Variants in ATXN10 observed in about 807,000 individuals in gnomAD.
The protein encoded by ATXN10 is ataxin-10.
Under a neutral mutation model 52.9 loss-of-function variants are expected in ATXN10, and 28 were observed. The observed-to-expected ratio is 0.53, with a 90% CI of 0.39 to 0.73. The LOEUF is 0.73. ATXN10 is among the 30% of genes least tolerant of loss of function. The pLI is 0.00. For synonymous variants in ATXN10, 226 were observed against 221.5 expected, an observed-to-expected ratio of 1.02 and a Z score of -0.18; for missense variants, 565 against 577.0, an observed-to-expected ratio of 0.98 and a Z score of 0.21.
chr22:45,710,950 A>G (rs764510897), intron 5 of ATXN10, among the ~76,000 whole-genome samples: 3 of 152,298 alleles, frequency 2.0e-5, no homozygotes, highest in South Asian at 2.1e-4. Flanking sequence ...CCTGAACCAG[A>G]TAAGACTTTG....
intron 10 of ATXN10, among the ~76,000 whole-genome samples, chr22:45,838,491 C>T (rs1601679174): frequency 3.3e-5 from 5 of 152,310 alleles, no homozygotes; most frequent in Admixed American, 3.3e-4. Flanking sequence ...GCTATGGAAA[C>T]GTTAGAAGCT....
intron 3 of ATXN10, among the ~76,000 whole-genome samples, chr22:45,695,669 A>G (rs1293376353): frequency 6.6e-6 from 1 of 151,242 alleles, no homozygotes; most frequent in Non-Finnish European, 1.5e-5. Context: ...GATTTTTTGT[A>G]TTTTTTTATT....
intron 6 of ATXN10, among the ~76,000 whole-genome samples, chr22:45,723,088 C>T (rs1039391246): frequency 3.3e-5 from 5 of 151,978 alleles, no homozygotes; most frequent in South Asian, 2.1e-4. Flanking sequence ...ATTTGGGCCA[C>T]GTGGAATAGG....
chr22:45,782,997 C>CA (rs771715340), intron 9 of ATXN10, among the ~76,000 whole-genome samples: 5 of 152,224 alleles, frequency 3.3e-5, no homozygotes, highest in Non-Finnish European at 7.3e-5. Flanking sequence ...TACAATTTCA[C>CA]AGACAGAAGA....
In ATXN10 at chr22:45,837,671, G is replaced by A. The variant is rs1480242346; in HGVS notation, c.1238-5320G>A. Among the ~76,000 whole-genome samples, 3 of 152,206 alleles carry A rather than the reference G, an allele frequency of 2.0e-5. No homozygotes were observed. The highest frequency in any genetic ancestry group is 2.9e-5 in the Non-Finnish European group (2 of 68,032). Reference sequence around the variant, plus strand: ...ACATAGTAAATATTTTGGCTTTGTAGGCCTTGCTGTCTCTTGGCAGCTCCT... The same window carrying A: ...ACATAGTAAATATTTTGGCTTTGTAAGCCTTGCTGTCTCTTGGCAGCTCCT... On this transcript the variant is annotated intron_variant, in intron 10 of 11. Coordinates refer to ENST00000252934, the MANE Select transcript of ATXN10 (RefSeq NM_013236.4). The surrounding 1 kb of genome is among the most constrained non-coding windows in gnomAD (Gnocchi z 5.8).
intron 6 of ATXN10, among the ~76,000 whole-genome samples, chr22:45,723,196 T>C (rs1285364872): frequency 6.6e-6 from 1 of 152,088 alleles, no homozygotes; most frequent in East Asian, 1.9e-4. Flanking sequence ...GATCCACTTA[T>C]GATAGAGATA....
In ATXN10 at chr22:45,807,211, G is replaced by A. The variant is rs1041453422; in HGVS notation, c.1237+189G>A. On this transcript the variant is annotated intron_variant, in intron 10 of 11. Coordinates refer to ENST00000252934, the MANE Select transcript of ATXN10 (RefSeq NM_013236.4). ...TCATTTCTGTAACCTTTGTAGTATGGTAAGCTAGTTTTTTCATGGTGAATA... is the reference window on the plus strand; with the variant it reads ...TCATTTCTGTAACCTTTGTAGTATGATAAGCTAGTTTTTTCATGGTGAATA... 12 of 682,688 alleles carry A rather than the reference G, an allele frequency of 1.8e-5. No individual in the cohort carries two copies. The South Asian group carries it at 1.9e-4, about 11-fold the overall frequency. 42.3% of individuals were successfully genotyped at this position (682,688 alleles called of 1,614,324 possible).
At chr22:45,700,908 A>T (rs1273533046) in intron 4 of ATXN10, among the ~76,000 whole-genome samples, 1 of 152,206 alleles carries the variant, frequency 6.6e-6, no homozygotes, top group Non-Finnish European at 1.5e-5. Flanking sequence ...TCCATTTATC[A>T]GTGTAAGATG....
At chr22:45,722,183 G>T (rs1458602191) in intron 6 of ATXN10, among the ~76,000 whole-genome samples, 2 of 152,190 alleles carry the variant, frequency 1.3e-5, no homozygotes, top group Non-Finnish European at 2.9e-5. Context: ...AACCCCTTTA[G>T]CTGGGTCTTT....
rs534973801 is a variant in ATXN10, at chr22:45,724,781, T to G, written c.729-4644T>G. On this transcript the variant is annotated intron_variant, in intron 6 of 11. Coordinates refer to ENST00000252934, the MANE Select transcript of ATXN10 (RefSeq NM_013236.4). ...TTTTCCTAGGTTTTCTCCTAGAATTTTTATGGTTTCTGGTCTAGATTTAAA... is the reference window on the plus strand; with the variant it reads ...TTTTCCTAGGTTTTCTCCTAGAATTGTTATGGTTTCTGGTCTAGATTTAAA... 3.3e-5 allele frequency among the ~76,000 whole-genome samples: 5 copies of G among 152,330 alleles called. No individual in the cohort carries two copies. The South Asian group carries it at 1.0e-3, about 32-fold the overall frequency.
rs541959767 is a variant in ATXN10, at chr22:45,784,639, C to T, written c.1174-22320C>T. ...TTCCTGTGGGCTCGCCTGTCGACCC[C>T]CTCCCTGTGCCCAGAGGACACACAG... On this transcript the variant is annotated intron_variant, in intron 9 of 11. Transcript: ENST00000252934. The surrounding 1 kb of genome is among the most constrained non-coding windows in gnomAD (Gnocchi z 4.2). 3.3e-5 allele frequency among the ~76,000 whole-genome samples: 5 copies of T among 152,228 alleles called. No homozygotes were observed. The East Asian group carries it at 9.7e-4, about 29-fold the overall frequency.
Position 45,783,707 on chromosome 22 carries a change from A to G in ATXN10, c.1174-23252A>G, listed in dbSNP as rs1397932613. Among the ~76,000 whole-genome samples, 1 of 152,204 alleles carries G rather than the reference A, an allele frequency of 6.6e-6. No individual in the cohort carries two copies. Among genetic ancestry groups the G allele is most frequent in the Non-Finnish European group, 1.5e-5 (1 of 68,030 alleles). On this transcript the variant is annotated intron_variant, in intron 9 of 11. Coordinates refer to ENST00000252934, the MANE Select transcript of ATXN10 (RefSeq NM_013236.4). The surrounding 1 kb of genome is among the most constrained non-coding windows in gnomAD (Gnocchi z 5.0). ...TGATTTACCTTTTAGTCCCCAATAC[A>G]AGGTCTATCACAAAGTAGCTTTCTT...
In ATXN10 at chr22:45,787,584, C is replaced by T. The variant is rs180801489; in HGVS notation, c.1174-19375C>T. Among the ~76,000 whole-genome samples, 194 of 152,246 alleles carry T rather than the reference C, an allele frequency of 1.3e-3. 1 individual carries two copies. Among genetic ancestry groups the T allele is most frequent in the African/African-American group, 4.1e-3 (172 of 41,530 alleles). ...TGCTGTCCAGTCGTCTTGAGTTGAA[C>T]GTTCTCATCAATACTTTGGTGGCTC... is the stretch of plus-strand genomic sequence containing the variant. On this transcript the variant is annotated intron_variant, in intron 9 of 11. Transcript: ENST00000252934. The surrounding 1 kb of genome is among the most constrained non-coding windows in gnomAD (Gnocchi z 4.2).
rs1298437334 is a variant in ATXN10 at position 45,754,261 on chromosome 22, G to T, written c.1173+13723G>T. Among the ~76,000 whole-genome samples, 4 of 152,164 alleles carry T rather than the reference G, an allele frequency of 2.6e-5. No homozygotes were observed. The highest frequency in any genetic ancestry group is 2.6e-4 in the Admixed American group (4 of 15,266). On this transcript the variant is annotated intron_variant, in intron 9 of 11. Coordinates refer to ENST00000252934, the MANE Select transcript of ATXN10 (RefSeq NM_013236.4). This position sits in a 1 kb window ranked among gnomAD's most constrained non-coding sequence, Gnocchi z 5.4. The stretch of plus-strand genomic sequence containing the variant: ...GGTGAAAAAACAGTTTAAATTCTAG[G>T]ATATTCTTGCTTTCTACCCAGGCAA...
At position 45,696,152 on chromosome 22, in the gene ATXN10, C is replaced by T. The variant is rs1185395813; in HGVS notation, c.391+3074C>T. Among the ~76,000 whole-genome samples, 3 of 151,866 alleles carry T rather than the reference C, an allele frequency of 2.0e-5. No individual in the cohort carries two copies. The highest frequency in any genetic ancestry group is 6.6e-5 in the Admixed American group (1 of 15,264). On this transcript the variant is annotated intron_variant, in intron 3 of 11. Coordinates refer to ENST00000252934, the MANE Select transcript of ATXN10 (RefSeq NM_013236.4). This position sits in a 1 kb window ranked among gnomAD's most constrained non-coding sequence, Gnocchi z 4.7. Reference sequence around the variant, plus strand: ...AGGATTTAGTTGTGAAATGTTTTTACGATATTATATATTTAAAGATACTTC... The same window carrying T: ...AGGATTTAGTTGTGAAATGTTTTTATGATATTATATATTTAAAGATACTTC...
chr22:45,793,465 T>A, intron 9 of ATXN10: 1 of 796,874 alleles, frequency 1.3e-6, no homozygotes, highest in East Asian at 3.5e-5. Context: ...TCTTGAGGTC[T>A]TATTCCATTT....
At chr22:45,809,187 A>C (rs1048183712) in intron 10 of ATXN10, among the ~76,000 whole-genome samples, 9 of 152,374 alleles carry the variant, frequency 5.9e-5, no homozygotes, top group South Asian at 2.1e-4. Context: ...AAATAAGGAC[A>C]TGATACAATT....
At chr22:45,703,810 G>A (rs776282523) in intron 5 of ATXN10, among the ~76,000 whole-genome samples, 4 of 152,172 alleles carry the variant, frequency 2.6e-5, no homozygotes, top group Non-Finnish European at 5.9e-5. Flanking sequence ...GAGGGGCAAG[G>A]CAGAAAGCTC....
chr22:45,792,230 G>A (rs1927539333), intron 9 of ATXN10, among the ~76,000 whole-genome samples: 1 of 152,118 alleles, frequency 6.6e-6, no homozygotes, highest in Non-Finnish European at 1.5e-5. Context: ...TAGATTAAGA[G>A]GAGGTAGACT....
Sources: gnomAD v4.1 joint callset for allele counts (sites outside exome capture counted in the v4.1 genomes callset) on GRCh38, gnomAD v4.1.1 for gene constraint, Gnocchi (gnomAD v3.1) non-coding constraint, MANE v1.5 for transcripts, NCBI Gene and HGNC (gene_info 2026-07-23, HGNC 2026-07-21) for gene names.